BTBD1: variants seen among roughly 807,000 people sequenced by gnomAD.
BTBD1 encodes BTB/POZ domain-containing protein 1.
Under a neutral mutation model 48.0 loss-of-function variants are expected in BTBD1, and 34 were observed. The ratio of observed to expected loss-of-function variants is 0.71; its 90% confidence interval spans 0.54 to 0.94. BTBD1 has a LOEUF of 0.94. BTBD1 is among the 40% of genes least tolerant of loss of function. BTBD1 has a pLI of 0.00. For missense variants in BTBD1, 543 were observed against 625.6 expected (o/e 0.87, Z 1.41); for synonymous variants, 261 against 242.1 (o/e 1.08, Z -0.72).
intron 4 of BTBD1, among the ~76,000 whole-genome samples, chr15:83,040,319 G>T (rs2032725627): frequency 6.6e-6 from 1 of 152,112 alleles, no homozygotes; most frequent in African/African-American, 2.4e-5. Context: ...GCAATCAACT[G>T]TACCTCAAAC....
intron 4 of BTBD1, 113 bp from the exon 5 acceptor site, chr15:83,030,441 A>C: frequency 1.2e-6 from 1 of 829,960 alleles, no homozygotes; most frequent in South Asian, 1.8e-5. Flanking sequence ...AATAGGGGAA[A>C]AAAATCTTAG....
At chr15:83,053,400 GT>G (rs1224791792) in intron 2 of BTBD1, among the ~76,000 whole-genome samples, 15 of 150,174 alleles carry the variant, frequency 1.0e-4, no homozygotes, top group East Asian at 3.9e-4. Flanking sequence ...ATACTGAAAA[GT>G]TTTTTTTTTC....
chr15:83,054,567 T>TC (rs1170696826), intron 2 of BTBD1, among the ~76,000 whole-genome samples: 3 of 149,972 alleles, frequency 2.0e-5, no homozygotes, highest in Non-Finnish European at 4.5e-5. Flanking sequence ...TTTTTTCTTT[T>TC]TTTTTTTTTT....
At chr15:83,042,911 A>T (rs1385929323) in intron 3 of BTBD1, among the ~76,000 whole-genome samples, 1 of 152,194 alleles carries the variant, frequency 6.6e-6, no homozygotes, top group Non-Finnish European at 1.5e-5. Context: ...AGGCTGAGAC[A>T]GGAGCATGGC....
At chr15:83,024,761 T>C (rs7181169) in intron 5 of BTBD1, among the ~76,000 whole-genome samples, 65,026 of 151,926 alleles carry the variant, frequency 0.43, 14,485 homozygotes, top group Middle Eastern at 0.54. Flanking sequence ...CATGCCACCA[T>C]GCTGAATTTT....
intron 4 of BTBD1, among the ~76,000 whole-genome samples, chr15:83,038,496 T>C (rs1451906054): frequency 1.3e-5 from 2 of 152,182 alleles, no homozygotes; most frequent in African/African-American, 4.8e-5. Flanking sequence ...ACAGATTTAA[T>C]GCTATTTCTA....
intron 1 of BTBD1, among the ~76,000 whole-genome samples, chr15:83,066,190 T>G (rs555182353): frequency 1.3e-5 from 2 of 151,962 alleles, no homozygotes; most frequent in African/African-American, 4.8e-5. Flanking sequence ...TCCCAAATAC[T>G]CGGGAGGCTG....
intron 3 of BTBD1, chr15:83,044,421 C>T: frequency 6.3e-7 from 1 of 1,579,614 alleles, no homozygotes; most frequent in Non-Finnish European, 8.7e-7. Flanking sequence ...ACAGCAAACG[C>T]TTTGATGAAT....
intron 2 of BTBD1, among the ~76,000 whole-genome samples, chr15:83,053,507 T>C (rs189944671): frequency 6.0e-4 from 92 of 152,338 alleles, no homozygotes; most frequent in Non-Finnish European, 1.1e-3. Flanking sequence ...TGAGGCCCTA[T>C]TCTGGTCCTA....
At chr15:83,021,278 G>T (rs528675081) in intron 5 of BTBD1, among the ~76,000 whole-genome samples, 2 of 152,330 alleles carry the variant, frequency 1.3e-5, no homozygotes, top group Admixed American at 1.3e-4. Flanking sequence ...ATTACAAATT[G>T]TAACAAGAGC....
intron 1 of BTBD1, among the ~76,000 whole-genome samples, 187 bp from the exon 2 acceptor site, chr15:83,056,732 G>A (rs2033093292): frequency 1.9e-5 from 2 of 106,412 alleles, no homozygotes; most frequent in Admixed American, 1.5e-4. Flanking sequence ...TCCATCCATC[G>A]ACAGGGTCTT....
chr15:83,049,571 T>G lies in BTBD1; in HGVS notation c.664+502A>C, dbSNP rs1242340952. ...ATTTAGAAAAGATAGAAATCACATT[T>G]TACCATATGTCCTCTCTTTTTTTTT... On this transcript the variant is annotated intron_variant, in intron 3 of 7. Transcript: ENST00000261721. Among the ~76,000 whole-genome samples, 3 of 151,856 alleles carry G rather than the reference T, an allele frequency of 2.0e-5. No homozygotes were observed. The East Asian group carries it at 5.8e-4, about 29-fold the overall frequency.
At chr15:83,051,085 G>T (rs1349074866) in intron 2 of BTBD1, among the ~76,000 whole-genome samples, 1 of 150,198 alleles carries the variant, frequency 6.7e-6, no homozygotes, top group East Asian at 1.9e-4. Context: ...ACTCAAGCAA[G>T]ATTTTTAAAA....
At chr15:83,025,894 C>T (rs770173018) in intron 5 of BTBD1, among the ~76,000 whole-genome samples, 29 of 152,062 alleles carry the variant, frequency 1.9e-4, no homozygotes, top group Non-Finnish European at 3.5e-4. Context: ...CTCAGCCTCC[C>T]GAGTAGCTGG....
intron 4 of BTBD1, among the ~76,000 whole-genome samples, chr15:83,035,355 G>A (rs1160664508): frequency 1.3e-5 from 2 of 151,972 alleles, no homozygotes; most frequent in African/African-American, 2.4e-5. Context: ...GGCCAAAGCA[G>A]ATATCAACAA....
intron 1 of BTBD1, chr15:83,061,406 A>G (rs551104195): frequency 6.6e-6 from 1 of 152,332 alleles, no homozygotes; most frequent in South Asian, 2.1e-4. Flanking sequence ...AGAAGTATAT[A>G]TTAGGCACTC....
At chr15:83,065,449 AATCTTATT>A (rs1230569043) in intron 1 of BTBD1, among the ~76,000 whole-genome samples, 2 of 152,094 alleles carry the variant, frequency 1.3e-5, no homozygotes, top group African/African-American at 2.4e-5. Context: ...TCGTCAATGG[AATCTTATT>A]ATTTGTTTCT....
chr15:83,049,167 GC>G, intron 3 of BTBD1, among the ~76,000 whole-genome samples: 1 of 152,054 alleles, frequency 6.6e-6, no homozygotes, highest in Middle Eastern at 3.2e-3. Flanking sequence ...CTTGGTATAG[GC>G]AGGAACCAAT....
chr15:83,036,373 A>G (rs781016715), intron 4 of BTBD1, among the ~76,000 whole-genome samples: 2 of 152,222 alleles, frequency 1.3e-5, no homozygotes, highest in South Asian at 2.1e-4. Flanking sequence ...ATACGTCCTC[A>G]CATCCACACA....
Sources: gnomAD v4.1 joint callset for allele counts (sites outside exome capture counted in the v4.1 genomes callset) on GRCh38, gnomAD v4.1.1 for gene constraint, MANE v1.5 for transcripts, NCBI Gene and HGNC (gene_info 2026-07-23, HGNC 2026-07-21) for gene names.